The following SYNE1 variants were observed in gnomAD, a reference collection of about 807,000 sequenced individuals.
SYNE1 encodes the protein nesprin-1.
Under a neutral mutation model 1,111.0 loss-of-function variants are expected in SYNE1, and 616 were observed. The ratio of observed to expected loss-of-function variants is 0.55; its 90% CI spans 0.52 to 0.59. SYNE1 has a LOEUF of 0.59. Ranked by LOEUF, SYNE1 falls within the 20% of genes least tolerant of loss-of-function variation. The pLI, the probability that SYNE1 is intolerant of heterozygous loss-of-function variation, is 0.00. For synonymous variants in SYNE1, 3,855 were observed against 3,825.8 expected (o/e 1.01, Z -0.28); for missense variants, 10,006 against 10,417.0 (o/e 0.96, Z 1.72).
chr6:152,139,683 A>G (rs555589193), intron 140 of SYNE1, among the ~76,000 whole-genome samples: 1 of 136,032 alleles, frequency 7.4e-6, no homozygotes, highest in Non-Finnish European at 1.6e-5. Flanking sequence ...TGAGAGAGAA[A>G]GAAAGAAAAA....
At chr6:152,415,786 T>A (rs2098141498) in intron 41 of SYNE1, among the ~76,000 whole-genome samples, 1 of 58,170 alleles carries the variant, frequency 1.7e-5, no homozygotes, top group Admixed American at 2.4e-4. Flanking sequence ...ATCTTCAAAG[T>A]GGTAAAAAAA....
intron 145 of SYNE1, chr6:152,125,516 T>A (rs2053089839): frequency 1.0e-6 from 1 of 977,804 alleles, no homozygotes. Context: ...TTAAAGTGTC[T>A]TAAGAAGGAT....
At chr6:152,472,514 C>A (rs2098812460) in intron 14 of SYNE1, 101 bp from the exon 15 acceptor site, 1 of 1,069,472 alleles carries the variant, frequency 9.4e-7, no homozygotes, top group Middle Eastern at 2.0e-4. Flanking sequence ...ATGTATTCAA[C>A]AATTTGATCC....
chr6:152,267,974 A>G, intron 100 of SYNE1, 82 bp downstream of exon 100: 1 of 1,283,768 alleles, frequency 7.8e-7, no homozygotes, highest in Non-Finnish European at 1.1e-6. Flanking sequence ...TGTTTAAAAT[A>G]AAATTTTGAG....
chr6:152,417,018 G>A lies in SYNE1; in HGVS notation c.5422-3C>T, dbSNP rs1347523541. The A allele has an allele frequency of 6.2e-7, 1 of 1,613,924 alleles. No homozygotes were observed. Among genetic ancestry groups the A allele is most frequent in the South Asian group, 1.1e-5 (1 of 91,088 alleles). On this transcript the variant is annotated splice_polypyrimidine_tract_variant and splice_region_variant and intron_variant, in intron 40 of 145. Coordinates refer to ENST00000367255, the MANE Select transcript of SYNE1 (RefSeq NM_182961.4). ...CTCTCTACTTCTGCTGCGTGGTCCT[G>A]GAAGGGAAGAGAGAGTTATTGATTC...
intron 6 of SYNE1, among the ~76,000 whole-genome samples, chr6:152,519,210 G>T (rs2099127297): frequency 6.6e-6 from 1 of 152,146 alleles, no homozygotes; most frequent in Non-Finnish European, 1.5e-5. Flanking sequence ...GGGCCTAGGA[G>T]AAATGATGCC....
chr6:152,214,930 G>T lies in SYNE1; in HGVS notation c.22322C>A (p.Ser7441Tyr). ...CCTGAATCTTTCTGTAGTCTGAGAG[G>T]AGATCAGAGACCAATGGCGGTTCAG... ...QNLNRHWSLISSQTTERFSKL... is the reference protein window; with the variant it reads ...QNLNRHWSLIYSQTTERFSKL... Residue 7441 changes from serine (S) to tyrosine (Y), a missense_variant, in exon 122 of 146, where the codon TCC becomes TAC. Around this residue, in one of 7 missense-constraint regions of SYNE1, gnomAD observed 2,182 missense variants for 2,287.8 expected, o/e 0.95. Coordinates refer to ENST00000367255, the MANE Select transcript of SYNE1 (RefSeq NM_182961.4). 1 of 1,614,138 alleles carries T rather than the reference G, an allele frequency of 6.2e-7. No individual in the cohort carries two copies. The highest frequency in any genetic ancestry group is 1.3e-5 in the African/African-American group (1 of 75,042).
chr6:152,450,596 C>T (rs779512113), intron 27 of SYNE1, 29 bp downstream of exon 27: 89 of 1,579,732 alleles, frequency 5.6e-5, no homozygotes, highest in Non-Finnish European at 6.8e-5. Flanking sequence ...TTTGACTACA[C>T]CCCTCTCTGG....
intron 131 of SYNE1, among the ~76,000 whole-genome samples, chr6:152,160,107 A>T (rs1397976790): frequency 1.3e-5 from 2 of 152,056 alleles, no homozygotes; most frequent in East Asian, 3.9e-4. Flanking sequence ...CCCTGGTTCA[A>T]GCGATTCTCC....
intron 73 of SYNE1, among the ~76,000 whole-genome samples, chr6:152,346,765 G>A (rs948786126): frequency 7.2e-5 from 11 of 152,034 alleles, no homozygotes; most frequent in East Asian, 1.9e-4. Context: ...AGCCGAGATC[G>A]CGCCACTGCA....
At chr6:152,419,903 G>C (rs2098227186) in intron 39 of SYNE1, among the ~76,000 whole-genome samples, 181 bp from the exon 40 acceptor site, 1 of 152,172 alleles carries the variant, frequency 6.6e-6, no homozygotes. Flanking sequence ...CCCTGTCTCA[G>C]TGAACATTGC....
intron 108 of SYNE1, among the ~76,000 whole-genome samples, chr6:152,238,129 G>C (rs1313416155): frequency 6.6e-6 from 1 of 152,128 alleles, no homozygotes; most frequent in East Asian, 1.9e-4. Context: ...TAGAGTTCTT[G>C]TGCTGTGGAA....
At chr6:152,312,736 CT>C (rs1328812083) in intron 87 of SYNE1, among the ~76,000 whole-genome samples, 1 of 151,378 alleles carries the variant, frequency 6.6e-6, no homozygotes, top group Admixed American at 6.6e-5. Context: ...TATCTCATCA[CT>C]TTATAACCCA....
At chr6:152,397,771 C>T (rs142085677) in intron 49 of SYNE1, among the ~76,000 whole-genome samples, 3,344 of 151,976 alleles carry the variant, frequency 0.022, 51 homozygotes, top group Non-Finnish European at 0.035. Flanking sequence ...GAGGCCAAGG[C>T]GGGTGGATCA....
intron 16 of SYNE1, among the ~76,000 whole-genome samples, chr6:152,466,784 A>G (rs1007950072): frequency 7.2e-5 from 11 of 152,104 alleles, no homozygotes; most frequent in African/African-American, 2.7e-4. Flanking sequence ...CGTTTCAAAG[A>G]TTATTATTAC....
intron 134 of SYNE1, 31 bp downstream of exon 134, chr6:152,151,928 C>G: frequency 6.2e-7 from 1 of 1,612,740 alleles, no homozygotes. Context: ...ATCCTCTGGC[C>G]TCTAAATTAC....
intron 3 of SYNE1, among the ~76,000 whole-genome samples, chr6:152,567,061 T>C (rs2099416205): frequency 6.6e-6 from 1 of 151,582 alleles, no homozygotes; most frequent in Admixed American, 6.6e-5. Context: ...TTGTCCCCCA[T>C]CTCCCTAAAC....
chr6:152,426,727 G>C (rs1738438), intron 38 of SYNE1, among the ~76,000 whole-genome samples: 67,213 of 152,110 alleles, frequency 0.44, 16,338 homozygotes, highest in East Asian at 0.75. Flanking sequence ...GAAACAGTCA[G>C]TACAGGTTTC....
intron 81 of SYNE1, among the ~76,000 whole-genome samples, chr6:152,324,675 T>A (rs1303267963): frequency 1.3e-5 from 2 of 151,808 alleles, no homozygotes; most frequent in African/African-American, 2.4e-5. Context: ...GCGCCTGTAG[T>A]CCCAGCTACT....
Sources: allele counts gnomAD v4.1 joint callset (sites outside exome capture counted in the v4.1 genomes callset), GRCh38; gene constraint gnomAD v4.1.1; regional missense constraint gnomAD v4.1.1; transcripts MANE v1.5; gene names NCBI Gene and HGNC (gene_info 2026-07-23, HGNC 2026-07-21).